TOP1MT: variants seen among roughly 807,000 people sequenced by gnomAD.
The protein encoded by TOP1MT is DNA topoisomerase I, mitochondrial.
TOP1MT carries 80 observed loss-of-function variants against 73.9 expected under a neutral mutation model. The observed-to-expected ratio is 1.08, with a 90% CI of 0.90 to 1.30. The LOEUF is 1.30. TOP1MT is among the 50% of genes most tolerant of loss of function. The pLI, the probability that TOP1MT is intolerant of heterozygous loss-of-function variation, is 0.00. For missense variants in TOP1MT, 815 were observed against 808.0 expected (o/e 1.01, Z -0.10); for synonymous variants, 338 against 326.4 (o/e 1.04, Z -0.38).
At chr8:143,317,024 C>T (rs1816182793) in intron 10 of TOP1MT, among the ~76,000 whole-genome samples, 1 of 152,262 alleles carries the variant, frequency 6.6e-6, no homozygotes. Context: ...CAGCACCGGC[C>T]TCTGAGGCCC....
upstream of TOP1MT, chr8:143,359,501 C>T: frequency 1.1e-6 from 1 of 911,064 alleles, no homozygotes; most frequent in Non-Finnish European, 1.3e-6. Context: ...GGTGCAGGGC[C>T]CAAGCAGAAA....
chr8:143,359,278 G>A (rs1817463576), upstream of TOP1MT: 1 of 985,200 alleles, frequency 1.0e-6, no homozygotes, highest in Non-Finnish European at 1.2e-6. Flanking sequence ...GGTGTTACAA[G>A]GTGGCTGCCA....
chr8:143,322,187 CAG>C (rs1728831903), intron 7 of TOP1MT, among the ~76,000 whole-genome samples: 1 of 91,272 alleles, frequency 1.1e-5, no homozygotes, highest in African/African-American at 3.4e-5. Context: ...GCACGCCACA[CAG>C]GCACGCCACA....
At position 143,324,656 on chromosome 8, in the gene TOP1MT, A is replaced by G. The variant is rs111788469; in HGVS notation, c.672-27T>C. The G allele has an allele frequency of 3.4e-4, 545 of 1,609,102 alleles. 1 individual carries two copies. The African/African-American group carries it at 6.5e-3, about 19-fold the overall frequency. On this transcript the variant is annotated intron_variant, in intron 5 of 13. Coordinates refer to ENST00000329245, the MANE Select transcript of TOP1MT (RefSeq NM_052963.3). Reference sequence around the variant, plus strand: ...TGCAGCAGAACAACGACCCAAACATAACTTGGAGACCTTATTCTCTGGAAT... The same window carrying G: ...TGCAGCAGAACAACGACCCAAACATGACTTGGAGACCTTATTCTCTGGAAT...
upstream of TOP1MT, among the ~76,000 whole-genome samples, chr8:143,335,953 C>T (rs1456616219): frequency 1.3e-5 from 2 of 152,194 alleles, no homozygotes; most frequent in African/African-American, 2.4e-5. Context: ...GAATGAGCAG[C>T]TCAGCAGCTG....
At chr8:143,321,453 A>ACACATGCACGC (rs1563757525) in intron 7 of TOP1MT, 67 bp from the exon 8 acceptor site, 5 of 790,340 alleles carry the variant, frequency 6.3e-6, no homozygotes, top group South Asian at 3.7e-5. Flanking sequence ...CGCACGCCAC[A>ACACATGCACGC]CACACGCACG....
chr8:143,336,834 A>T (rs914675462), upstream of TOP1MT, among the ~76,000 whole-genome samples: 4 of 152,176 alleles, frequency 2.6e-5, no homozygotes, highest in African/African-American at 7.2e-5. Flanking sequence ...AATAAAATTT[A>T]AAAAAGAATC....
intron 2 of TOP1MT, among the ~76,000 whole-genome samples, chr8:143,342,462 G>C (rs1281170862): frequency 8.4e-6 from 1 of 119,554 alleles, no homozygotes; most frequent in Non-Finnish European, 1.6e-5. Context: ...ACAGAGTCTC[G>C]CTCTGTTATT....
chr8:143,340,709 T>C (rs999559641), intron 2 of TOP1MT, among the ~76,000 whole-genome samples: 1 of 152,224 alleles, frequency 6.6e-6, no homozygotes, highest in Non-Finnish European at 1.5e-5. Context: ...CTCCAGGTCC[T>C]GAGCTTTTCA....
Position 143,309,330 on chromosome 8 carries a change from T to C in TOP1MT, c.*111A>G. 8.3e-7 allele frequency: 1 copy of C among 1,211,750 alleles called. No homozygotes were observed. Among genetic ancestry groups the C allele is most frequent in the Non-Finnish European group, 1.2e-6 (1 of 866,628 alleles). The allele number at this position is 1,211,750 out of a possible 1,614,324, so 75.1% of individuals were successfully genotyped here. On this transcript the variant is annotated 3_prime_UTR_variant, in exon 14 of 14. Transcript: ENST00000329245. ...GCCCGGCCGGCCTGGGGACTTTTTC[T>C]AGTGATGTACAAGCACTTGCACACA...
intron 7 of TOP1MT, among the ~76,000 whole-genome samples, chr8:143,321,944 G>A (rs1816422009): frequency 1.2e-5 from 1 of 82,848 alleles, no homozygotes; most frequent in Non-Finnish European, 2.2e-5. Flanking sequence ...ACACACGCAC[G>A]CCACACACGC....
chr8:143,342,873 C>G (rs1164990897), intron 2 of TOP1MT, among the ~76,000 whole-genome samples: 2 of 150,968 alleles, frequency 1.3e-5, no homozygotes, highest in Non-Finnish European at 2.9e-5. Context: ...CAACCTCTGC[C>G]TCCCGGGTTC....
In TOP1MT at chr8:143,325,309, G is replaced by A. The variant is rs73382105; in HGVS notation, c.671+37C>T. 6.7e-3 allele frequency: 10,336 copies of A among 1,551,310 alleles called. 604 individuals carry two copies. In the African/African-American group the frequency reaches 0.13, roughly 19 times the overall value. On this transcript the variant is annotated intron_variant, in intron 5 of 13. Coordinates refer to ENST00000329245, the MANE Select transcript of TOP1MT (RefSeq NM_052963.3). Reference sequence around the variant, plus strand: ...AAGCCAGCCTCACCCGGGTGGCGGGGGTCCAGTGCCCGCCTGCTGCCCGCC... The same window carrying A: ...AAGCCAGCCTCACCCGGGTGGCGGGAGTCCAGTGCCCGCCTGCTGCCCGCC...
chr8:143,335,795 C>T (rs546113925), upstream of TOP1MT, among the ~76,000 whole-genome samples: 4 of 152,378 alleles, frequency 2.6e-5, no homozygotes, highest in East Asian at 7.7e-4. Context: ...GTCCGGGCTG[C>T]CACCGCACGC....
At chr8:143,343,329 A>C (rs2130424642) in intron 1 of TOP1MT, 1 of 451,354 alleles carries the variant, frequency 2.2e-6, no homozygotes, top group Non-Finnish European at 4.5e-6. Flanking sequence ...TCTGCGGCTC[A>C]TTTAGGGTTG....
At chr8:143,355,573 G>C (rs1817394318) in intron 1 of TOP1MT, 1 of 152,172 alleles carries the variant, frequency 6.6e-6, no homozygotes, top group Admixed American at 6.5e-5. Flanking sequence ...CTTTGAAAAA[G>C]ATGTGGTCAC....
intron 7 of TOP1MT, among the ~76,000 whole-genome samples, chr8:143,323,373 C>T (rs377420540): frequency 9.3e-3 from 907 of 97,038 alleles, no homozygotes; most frequent in South Asian, 0.017. Context: ...AGGCACGCCA[C>T]ACAGATGCAT....
In TOP1MT at chr8:143,318,095, G is replaced by C; in HGVS notation, c.1147-9C>G. 6.2e-7 allele frequency: 1 copy of C among 1,613,764 alleles called. No individual in the cohort carries two copies. The highest frequency in any genetic ancestry group is 8.5e-7 in the Non-Finnish European group (1 of 1,179,706). ...TGTAAGTTCTTGTACACCTGAAGGAGAAAGAAGGAATTTCAGAGGACAGAA... is the reference window on the plus strand; with the variant it reads ...TGTAAGTTCTTGTACACCTGAAGGACAAAGAAGGAATTTCAGAGGACAGAA... On this transcript the variant is annotated splice_polypyrimidine_tract_variant and intron_variant, in intron 8 of 13. Transcript: ENST00000329245.
At chr8:143,310,433 G>C (rs989942847) in intron 12 of TOP1MT, 3 of 432,288 alleles carry the variant, frequency 6.9e-6, no homozygotes, top group Non-Finnish European at 1.2e-5. Flanking sequence ...GGCCGTGGGC[G>C]GAGGGTGAGC....
Sources: gnomAD v4.1 joint callset for allele counts (sites outside exome capture counted in the v4.1 genomes callset) on GRCh38, gnomAD v4.1.1 for gene constraint, MANE v1.5 for transcripts, NCBI Gene and HGNC (gene_info 2026-07-23, HGNC 2026-07-21) for gene names.